Variants in TNR observed in about 807,000 individuals in gnomAD.
The protein encoded by TNR is tenascin-R.
Under a neutral mutation model 150.4 loss-of-function variants are expected in TNR, and 45 were observed. The ratio of observed to expected loss-of-function variants is 0.30; its 90% CI spans 0.24 to 0.38. The LOEUF (loss-of-function observed/expected upper bound fraction) is 0.38, where lower values mean the gene tolerates loss of function less well. TNR is among the 10% of genes least tolerant of loss of function. The pLI, the probability that TNR is intolerant of heterozygous loss-of-function variation, is 1.00. For synonymous variants in TNR, 687 were observed against 678.4 expected (o/e 1.01, Z -0.20); for missense variants, 1,544 against 1,759.1 (o/e 0.88, Z 2.19).
At chr1:175,579,928 C>T (rs908240584) in intron 1 of TNR, among the ~76,000 whole-genome samples, 3 of 152,038 alleles carry the variant, frequency 2.0e-5, no homozygotes, top group Non-Finnish European at 4.4e-5. Flanking sequence ...GGCTATTGGT[C>T]CCCATGGCAA....
chr1:175,376,330 C>T (rs1439907644), intron 9 of TNR, among the ~76,000 whole-genome samples: 1 of 152,184 alleles, frequency 6.6e-6, no homozygotes. Context: ...ACCTTAAACT[C>T]GTTAAATGTA....
chr1:175,574,428 A>G (rs965107238), intron 1 of TNR, among the ~76,000 whole-genome samples: 2 of 152,318 alleles, frequency 1.3e-5, no homozygotes, highest in South Asian at 2.1e-4. Flanking sequence ...TGGGAGTAGG[A>G]GTCAAAGAAT....
chr1:175,350,091 G>A (rs1007210845), intron 18 of TNR, among the ~76,000 whole-genome samples: 7 of 152,232 alleles, frequency 4.6e-5, no homozygotes, highest in African/African-American at 1.7e-4. Flanking sequence ...GTTCCAGAGT[G>A]TGGTGTTTGC....
At chr1:175,341,898 C>T (rs1334486732) in intron 18 of TNR, among the ~76,000 whole-genome samples, 3 of 152,236 alleles carry the variant, frequency 2.0e-5, no homozygotes, top group African/African-American at 7.2e-5. Context: ...CAATGGCGCA[C>T]ATCTGCAGAG....
At chr1:175,649,707 C>T (rs1419072214) in intron 1 of TNR, among the ~76,000 whole-genome samples, 1 of 152,164 alleles carries the variant, frequency 6.6e-6, no homozygotes, top group Non-Finnish European at 1.5e-5. Context: ...TGAAGCTGCT[C>T]CTAACTGCCA....
At chr1:175,455,449 C>T (rs891698973) in intron 2 of TNR, among the ~76,000 whole-genome samples, 2 of 152,198 alleles carry the variant, frequency 1.3e-5, no homozygotes, top group Non-Finnish European at 2.9e-5. Flanking sequence ...AGGCGTTTCC[C>T]CTTTCAAAAG....
At position 175,592,475 on chromosome 1, in the gene TNR, C is replaced by A. The variant is rs202164192; in HGVS notation, c.-164-64106G>T. 1.1e-4 allele frequency among the ~76,000 whole-genome samples: 16 copies of A among 152,356 alleles called. No homozygotes were observed. The East Asian group carries it at 2.3e-3, about 22-fold the overall frequency. On this transcript the variant is annotated intron_variant, in intron 1 of 22. Coordinates refer to ENST00000367674, the MANE Select transcript of TNR (RefSeq NM_003285.3). ...ATCCACGTAGGTGACCCAGCCCCTG[C>A]GGGAGCCTGACTGAGGGACCCCTGG...
chr1:175,464,302 G>C (rs1267532598), intron 2 of TNR, among the ~76,000 whole-genome samples: 1 of 152,188 alleles, frequency 6.6e-6, no homozygotes, highest in Non-Finnish European at 1.5e-5. Flanking sequence ...GAGCCCCAGG[G>C]CTTCAGAAAT....
At chr1:175,514,328 C>CA (rs1353347478) in intron 2 of TNR, among the ~76,000 whole-genome samples, 2 of 152,216 alleles carry the variant, frequency 1.3e-5, no homozygotes, top group Non-Finnish European at 2.9e-5. Flanking sequence ...CTGTACCCTG[C>CA]ATGGAAAATG....
chr1:175,406,612 C>G lies in TNR; in HGVS notation c.103G>C (p.Val35Leu), dbSNP rs201240763. 1.2e-6 allele frequency: 2 copies of G among 1,614,112 alleles called. No individual in the cohort carries two copies. Among genetic ancestry groups the G allele is most frequent in the African/African-American group, 1.3e-5 (1 of 74,934 alleles). Residue 35 changes from valine (V) to leucine (L), a missense_variant, in exon 3 of 23, where the codon GTC (valine) becomes CTC (leucine). Physicochemically the swap from Val to Leu is conservative, Grantham distance 32. Around this residue, in one of 2 missense-constraint regions of TNR, gnomAD observed 1,254 missense variants for 1,329.4 expected, o/e 0.94. Transcript: ENST00000367674. Reference protein sequence around the residue: ...MIKPSECQLEVTTERVQRQSV... With the variant: ...MIKPSECQLELTTERVQRQSV... ...TGTCTCTGGACCCTTTCTGTGGTGA[C>G]CTCCAGCTGACACTCTGAAGGCTTG...
At chr1:175,593,334 C>G (rs903462635) in intron 1 of TNR, among the ~76,000 whole-genome samples, 5 of 152,124 alleles carry the variant, frequency 3.3e-5, no homozygotes, top group South Asian at 2.1e-4. Flanking sequence ...TGTTGTAAAC[C>G]AAGCCTCACA....
At chr1:175,391,880 T>C (rs1279188385) in intron 6 of TNR, among the ~76,000 whole-genome samples, 1 of 152,242 alleles carries the variant, frequency 6.6e-6, no homozygotes, top group Non-Finnish European at 1.5e-5. Flanking sequence ...CATCTTTATA[T>C]ACACACACAA....
At chr1:175,504,753 C>A (rs1272581782) in intron 2 of TNR, among the ~76,000 whole-genome samples, 2 of 152,174 alleles carry the variant, frequency 1.3e-5, no homozygotes, top group African/African-American at 2.4e-5. Flanking sequence ...ACTGGTTCCC[C>A]ATGTGTTGGA....
Position 175,386,056 on chromosome 1 carries a change from A to T in TNR, c.1753T>A (p.Ser585Thr). The change falls in exon 8 of 23, where the codon TCT (serine) becomes ACT (threonine). Residue 585 changes from serine (S) to threonine (T), a missense_variant. Around this residue, in one of 2 missense-constraint regions of TNR, gnomAD observed 1,254 missense variants for 1,329.4 expected, o/e 0.94. Coordinates refer to ENST00000367674, the MANE Select transcript of TNR (RefSeq NM_003285.3). ...SAVRGTNESDSATTQFTTEID... is the reference protein window; with the variant it reads ...SAVRGTNESDTATTQFTTEID... ...CCTGTTGTGAACTGAGTGGTGGCAG[A>T]ATCGCTCTCGTTGGTCCCTCGGACG... The T allele has an allele frequency of 6.2e-7, 1 of 1,600,190 alleles. No homozygotes were observed. The highest frequency in any genetic ancestry group is 1.1e-5 in the South Asian group (1 of 90,190).
At chr1:175,370,338 CTTTTTTTTTT>C (rs55795922) in intron 9 of TNR, among the ~76,000 whole-genome samples, 89 of 42,976 alleles carry the variant, frequency 2.1e-3, no homozygotes, top group South Asian at 0.013. Context: ...ATTTTGAGTA[CTTTTTTTTTT>C]TTTTTTTTTT....
intron 2 of TNR, among the ~76,000 whole-genome samples, chr1:175,456,072 G>A (rs1039565806): frequency 1.3e-5 from 2 of 152,182 alleles, no homozygotes; most frequent in African/African-American, 4.8e-5. Context: ...GATTGCATCT[G>A]CCCTGAGCTC....
At chr1:175,669,221 A>G (rs1392387106) in intron 1 of TNR, among the ~76,000 whole-genome samples, 2 of 152,206 alleles carry the variant, frequency 1.3e-5, no homozygotes, top group African/African-American at 2.4e-5. Context: ...TGCGGTAACC[A>G]TTATCATCAC....
intron 18 of TNR, among the ~76,000 whole-genome samples, chr1:175,345,619 A>G (rs556835530): frequency 6.6e-6 from 1 of 152,302 alleles, no homozygotes; most frequent in Admixed American, 6.5e-5. Context: ...GGAAGTTCTG[A>G]TTAAAGAACT....
chr1:175,708,418 G>A (rs1171460073), intron 1 of TNR, among the ~76,000 whole-genome samples: 2 of 152,196 alleles, frequency 1.3e-5, no homozygotes, highest in Admixed American at 1.3e-4. Context: ...ATGATGAAAA[G>A]TAGGGTCTGG....
Sources: gnomAD v4.1 joint callset for allele counts (sites outside exome capture counted in the v4.1 genomes callset) on GRCh38, gnomAD v4.1.1 for gene constraint, gnomAD v4.1.1 regional missense constraint, MANE v1.5 for transcripts, NCBI Gene and HGNC (gene_info 2026-07-23, HGNC 2026-07-21) for gene names.